The following ADAM19 variants were observed in gnomAD, a reference collection of about 807,000 sequenced individuals.
ADAM19 encodes disintegrin and metalloproteinase domain-containing protein 19.
A neutral mutation model predicts 114.7 loss-of-function variants in ADAM19; 65 were observed. The ratio of observed to expected loss-of-function variants is 0.57; its 90% confidence interval spans 0.46 to 0.70. The LOEUF is 0.70. Ranked by LOEUF, ADAM19 falls within the 30% of genes least tolerant of loss-of-function variation. The pLI is 0.00. For synonymous variants in ADAM19, 466 were observed against 460.5 expected (o/e 1.01, Z -0.15); for missense variants, 1,063 against 1,204.7 (o/e 0.88, Z 1.74).
At chr5:157,559,304 A>C (rs1757452545) in intron 3 of ADAM19, among the ~76,000 whole-genome samples, 1 of 152,246 alleles carries the variant, frequency 6.6e-6, no homozygotes, top group African/African-American at 2.4e-5. Flanking sequence ...TTTGGACTTG[A>C]GGAAGGACAG....
Position 157,478,887 on chromosome 5 carries a change from C to A in ADAM19, c.*2062G>T, listed in dbSNP as rs1754670079. 1.0e-6 allele frequency: 1 copy of A among 985,640 alleles called. No individual in the cohort carries two copies. The highest frequency in any genetic ancestry group is 1.2e-6 in the Non-Finnish European group (1 of 829,944). 61.1% of individuals were successfully genotyped at this position (985,640 alleles called of 1,614,324 possible). On this transcript the variant is annotated 3_prime_UTR_variant, in exon 23 of 23. Coordinates refer to ENST00000257527, the MANE Select transcript of ADAM19 (RefSeq NM_033274.5). ...CACTATGGCTGTGGCGCTGTCATTT[C>A]AGAGCTATCTACCTCCTGATGTGAG...
chr5:157,572,112 G>C (rs2113803065), intron 1 of ADAM19, among the ~76,000 whole-genome samples: 1 of 152,070 alleles, frequency 6.6e-6, no homozygotes, highest in East Asian at 1.9e-4. Context: ...TTGAGACGGA[G>C]TCTCGCTTTG....
chr5:157,481,203 A>C (rs1754735580), intron 22 of ADAM19: 1 of 659,240 alleles, frequency 1.5e-6, no homozygotes, highest in Non-Finnish European at 2.6e-6. Context: ...CCCCTATCTC[A>C]AGCTGACCAG....
chr5:157,538,073 C>A (rs188832539), intron 3 of ADAM19, 82 bp from the exon 4 acceptor site: 513 of 1,132,508 alleles, frequency 4.5e-4, no homozygotes, highest in Admixed American at 5.9e-4. Flanking sequence ...TTTAACTGAA[C>A]CAGGCAGGAC....
chr5:157,518,361 TA>T (rs568163044), intron 7 of ADAM19, among the ~76,000 whole-genome samples: 19 of 152,124 alleles, frequency 1.2e-4, no homozygotes, highest in Non-Finnish European at 2.6e-4. Context: ...CAACTATGTT[TA>T]AAATGGCAAA....
At position 157,564,378 on chromosome 5, in the gene ADAM19, C is replaced by A. The variant is rs1278523338; in HGVS notation, c.246G>T (p.Lys82Asn). The change falls in exon 3 of 23, where the codon AAG becomes AAT. Residue 82 changes from lysine to asparagine, a missense_variant. This residue lies in a region of ADAM19 where 615 missense variants were observed against 706.3 expected (regional missense o/e 0.87). Coordinates refer to ENST00000257527, the MANE Select transcript of ADAM19 (RefSeq NM_033274.5). ...CAAAGGAGGAGTCCACTTACTCATT[C>A]TTCTCCAGGTCCAGGATCAGTTCTC... ...EGRELILDLE[K>N]NEQLFAPSYT... 6.2e-7 allele frequency: 1 copy of A among 1,614,008 alleles called. No individual in the cohort carries two copies. The highest frequency in any genetic ancestry group is 8.5e-7 in the Non-Finnish European group (1 of 1,179,958).
At chr5:157,517,486 T>C (rs1475774444) in intron 7 of ADAM19, among the ~76,000 whole-genome samples, 1 of 152,196 alleles carries the variant, frequency 6.6e-6, no homozygotes, top group Admixed American at 6.5e-5. Context: ...TTTAGGCAAA[T>C]ATGGGCTCTG....
Position 157,518,558 on chromosome 5 carries a change from AT to A in ADAM19, c.666+264del, listed in dbSNP as rs369423397. Reference sequence around the variant, plus strand: ...TGCCACCATGCCCAGCTAATTTTGTATTTTTAGTAGAGATGGGGTTTCACCA... The same window carrying A: ...TGCCACCATGCCCAGCTAATTTTGTATTTTAGTAGAGATGGGGTTTCACCA... On this transcript the variant is annotated intron_variant, in intron 7 of 22. Transcript: ENST00000257527. 2.0e-3 allele frequency among the ~76,000 whole-genome samples: 301 copies of A among 152,208 alleles called. 9 individuals carry two copies. The East Asian group carries it at 0.05, about 25-fold the overall frequency.
chr5:157,489,658 G>A (rs1755082055), intron 19 of ADAM19, among the ~76,000 whole-genome samples: 1 of 152,190 alleles, frequency 6.6e-6, no homozygotes, highest in African/African-American at 2.4e-5. Flanking sequence ...TCTTATACCA[G>A]ATGAAACAAA....
intron 12 of ADAM19, 45 bp from the exon 13 acceptor site, chr5:157,499,707 C>A: frequency 7.3e-7 from 1 of 1,364,974 alleles, no homozygotes; most frequent in Non-Finnish European, 1.0e-6. Context: ...GGGCCTTCAC[C>A]ACCCCCAACA....
chr5:157,490,934 T>A (rs959819849), intron 18 of ADAM19, among the ~76,000 whole-genome samples: 2 of 151,004 alleles, frequency 1.3e-5, no homozygotes, highest in African/African-American at 4.9e-5. Context: ...CTCAGACAGA[T>A]TTAAGACTAG....
At chr5:157,559,820 A>G (rs575108909) in intron 3 of ADAM19, among the ~76,000 whole-genome samples, 2 of 152,228 alleles carry the variant, frequency 1.3e-5, no homozygotes, top group East Asian at 3.9e-4. Context: ...TCTGACCTAG[A>G]AGTTCGTCCC....
rs774806950 is a variant in ADAM19 at position 157,520,037 on chromosome 5, G to A, written c.408-6C>T. On this transcript the variant is annotated splice_polypyrimidine_tract_variant and splice_region_variant and intron_variant, in intron 5 of 22. Transcript: ENST00000257527. Reference sequence around the variant, plus strand: ...TGCTCACCGTAATCAGTCCTCTGTTGAGAGGAGAAATAGAATCTCTGGTCA... The same window carrying A: ...TGCTCACCGTAATCAGTCCTCTGTTAAGAGGAGAAATAGAATCTCTGGTCA... The A allele has an allele frequency of 1.2e-6, 2 of 1,603,068 alleles. No homozygotes were observed. The highest frequency in any genetic ancestry group is 1.7e-6 in the Non-Finnish European group (2 of 1,173,548).
intron 11 of ADAM19, among the ~76,000 whole-genome samples, chr5:157,503,672 A>G (rs1399388484): frequency 6.6e-6 from 1 of 152,190 alleles, no homozygotes; most frequent in African/African-American, 2.4e-5. Context: ...GTCTCCTGAG[A>G]CTTAGCACTG....
At chr5:157,502,192 G>A (rs921887027) in intron 12 of ADAM19, among the ~76,000 whole-genome samples, 6 of 152,114 alleles carry the variant, frequency 3.9e-5, no homozygotes, top group Admixed American at 3.3e-4. Context: ...AAATAGAGAC[G>A]AAACAATCCA....
Position 157,478,872 on chromosome 5 carries a change from G to A in ADAM19, c.*2077C>T. The A allele has an allele frequency of 1.0e-6, 1 of 985,714 alleles. No individual in the cohort carries two copies. Among genetic ancestry groups the A allele is most frequent in the Non-Finnish European group, 1.2e-6 (1 of 829,856 alleles). The allele number at this position is 985,714 out of a possible 1,614,324, so 61.1% of individuals were successfully genotyped here. ...GATGGCTCATGCAGTCACTATGGCT[G>A]TGGCGCTGTCATTTCAGAGCTATCT... On this transcript the variant is annotated 3_prime_UTR_variant, in exon 23 of 23. Transcript: ENST00000257527.
At position 157,513,336 on chromosome 5, in the gene ADAM19, A is replaced by C. The variant is rs970258436; in HGVS notation, c.738+98T>G. 5.0e-6 allele frequency: 6 copies of C among 1,211,036 alleles called. No homozygotes were observed. In the Admixed American group the frequency reaches 1.0e-4, roughly 21 times the overall value. The allele number at this position is 1,211,036 out of a possible 1,614,324, so 75.0% of individuals were successfully genotyped here. On this transcript the variant is annotated intron_variant, in intron 8 of 22. Coordinates refer to ENST00000257527, the MANE Select transcript of ADAM19 (RefSeq NM_033274.5). ...ATGGCACTGCTCATTCCCTTTCAGA[A>C]GATGGCTGGGGCAGCCAATCCAGCA...
chr5:157,481,918 T>C lies in ADAM19; in HGVS notation c.2576A>G (p.Gln859Arg), dbSNP rs140165939. ...CACTGGGTTTGCCGGGAGTGCCTTC[T>C]GGGGCGGCCGAGGCCTGGAGAAGTC... is the stretch of plus-strand genomic sequence containing the variant. The part of the protein sequence containing the change: ...SQDFSRPRPP[Q>R]KALPANPVPG... The change falls in exon 22 of 23, where the codon CAG becomes CGG. Residue 859 changes from glutamine (Q) to arginine (R), a missense_variant. Physicochemically the swap from Gln to Arg is conservative, Grantham distance 43. Around this residue, in one of 3 missense-constraint regions of ADAM19, gnomAD observed 424 missense variants for 445.5 expected, o/e 0.95. Transcript: ENST00000257527. The C allele has an allele frequency of 2.5e-6, 4 of 1,606,072 alleles. No homozygotes were observed. The highest frequency in any genetic ancestry group is 3.4e-6 in the Non-Finnish European group (4 of 1,175,858).
intron 5 of ADAM19, among the ~76,000 whole-genome samples, chr5:157,525,502 A>G (rs1011635153): frequency 6.6e-6 from 1 of 152,192 alleles, no homozygotes; most frequent in Non-Finnish European, 1.5e-5. Context: ...AGTTAATGTG[A>G]GAGCCGGGGC....
Sources: gnomAD v4.1 joint callset for allele counts (sites outside exome capture counted in the v4.1 genomes callset) on GRCh38, gnomAD v4.1.1 for gene constraint, gnomAD v4.1.1 regional missense constraint, MANE v1.5 for transcripts, NCBI Gene and HGNC (gene_info 2026-07-23, HGNC 2026-07-21) for gene names.